Variants in DNAH11 observed in about 807,000 individuals in gnomAD.
DNAH11 encodes axonemal beta dynein heavy chain 11.
DNAH11 carries 442 observed loss-of-function variants against 526.0 expected under a neutral mutation model. The observed-to-expected ratio is 0.84, with a 90% CI of 0.78 to 0.91. The LOEUF is 0.91. Among genes scored for constraint, DNAH11 ranks in the 40% least tolerant of loss-of-function variants. The pLI is 0.00. For synonymous variants in DNAH11, 2,461 were observed against 1,935.9 expected (o/e 1.27, Z -7.12); for missense variants, 6,989 against 5,448.7 (o/e 1.28, Z -8.90).
intron 74 of DNAH11, among the ~76,000 whole-genome samples, chr7:21,880,388 C>T (rs569871143): frequency 5.3e-5 from 8 of 151,842 alleles, no homozygotes; most frequent in Middle Eastern, 3.4e-3. Flanking sequence ...CCAGATTCTG[C>T]GAAGAAAATT....
intron 57 of DNAH11, 142 bp downstream of exon 57, chr7:21,779,246 C>T: frequency 3.9e-6 from 4 of 1,034,160 alleles, no homozygotes; most frequent in Non-Finnish European, 5.3e-6. Flanking sequence ...AACAGCATTT[C>T]ACACCGTGAT....
chr7:21,786,582 C>A, intron 58 of DNAH11, 42 bp from the exon 59 acceptor site: 1 of 1,569,034 alleles, frequency 6.4e-7, no homozygotes, highest in Admixed American at 1.7e-5. Flanking sequence ...CAGACTTCCG[C>A]TAATCCTGTC....
At chr7:21,767,100 G>T (rs1465106047) in intron 55 of DNAH11, among the ~76,000 whole-genome samples, 2 of 152,128 alleles carry the variant, frequency 1.3e-5, no homozygotes, top group Non-Finnish European at 2.9e-5. Flanking sequence ...GTATGTGATT[G>T]CCAGGTCTGC....
At chr7:21,616,469 T>C (rs1346695371) in intron 22 of DNAH11, among the ~76,000 whole-genome samples, 177 bp downstream of exon 22, 1 of 152,148 alleles carries the variant, frequency 6.6e-6, no homozygotes, top group Non-Finnish European at 1.5e-5. Flanking sequence ...CAAGCCTGTC[T>C]TTCTGTGAGT....
At chr7:21,686,225 A>G (rs747946144) in intron 32 of DNAH11, among the ~76,000 whole-genome samples, 1 of 152,190 alleles carries the variant, frequency 6.6e-6, no homozygotes, top group Non-Finnish European at 1.5e-5. Context: ...AACCTCATTT[A>G]ATAGAGGAGA....
intron 28 of DNAH11, among the ~76,000 whole-genome samples, chr7:21,655,122 C>T (rs915729783): frequency 1.3e-5 from 2 of 150,080 alleles, no homozygotes; most frequent in Admixed American, 6.6e-5. Flanking sequence ...GTGCTATTTA[C>T]TGGTTTTGTA....
rs138890688 is a variant in DNAH11, at chr7:21,555,315, G to T, written c.496-3487G>T. On this transcript the variant is annotated intron_variant, in intron 2 of 81. Coordinates refer to ENST00000409508, the MANE Select transcript of DNAH11 (RefSeq NM_001277115.2). ...TGCCTTTCCTTGTCCCTGATTCAAG[G>T]GTTGTCACTCCAAACCTCATTCTTC... Among the ~76,000 whole-genome samples the T allele has an allele frequency of 1.9e-3, 286 of 152,298 alleles. 2 individuals carry two copies. Among genetic ancestry groups the T allele is most frequent in the Non-Finnish European group, 3.4e-3 (231 of 68,026 alleles).
intron 28 of DNAH11, among the ~76,000 whole-genome samples, chr7:21,652,374 G>A (rs1039482283): frequency 1.2e-4 from 18 of 152,140 alleles, no homozygotes; most frequent in South Asian, 4.1e-4. Flanking sequence ...GTTGATGGCC[G>A]GATATAAATT....
At chr7:21,830,102 C>G (rs1583747377) in intron 65 of DNAH11, among the ~76,000 whole-genome samples, 1 of 152,102 alleles carries the variant, frequency 6.6e-6, no homozygotes, top group Non-Finnish European at 1.5e-5. Context: ...TTATGCATAT[C>G]TGACGTTTGA....
In DNAH11 at chr7:21,606,510, A is replaced by G; in HGVS notation, c.3733A>G (p.Thr1245Ala). The change falls in exon 19 of 82, where the codon ACT becomes GCT. Residue 1245 changes from threonine to alanine, a missense_variant. Transcript: ENST00000409508. Reference sequence around the variant, plus strand: ...CTCACCTCTCCATAATGCGGAAGTCACTCTTATAAGGAAAAAATGTATTTT... The same window carrying G: ...CTCACCTCTCCATAATGCGGAAGTCGCTCTTATAAGGAAAAAATGTATTTT... ...EVSPLHNAEVTLIRKKCILFD... is the reference protein window; with the variant it reads ...EVSPLHNAEVALIRKKCILFD... 3.1e-6 allele frequency: 5 copies of G among 1,610,898 alleles called. No homozygotes were observed. In the South Asian group the frequency reaches 3.3e-5, roughly 11 times the overall value.
intron 51 of DNAH11, among the ~76,000 whole-genome samples, chr7:21,745,724 G>C (rs770739307): frequency 2.0e-5 from 3 of 152,198 alleles, no homozygotes; most frequent in Non-Finnish European, 4.4e-5. Flanking sequence ...GAATAAGCAA[G>C]AAAAATATCA....
intron 61 of DNAH11, among the ~76,000 whole-genome samples, chr7:21,799,169 A>G (rs1788850350): frequency 6.6e-6 from 1 of 152,200 alleles, no homozygotes; most frequent in Non-Finnish European, 1.5e-5. Context: ...GCTGAAGCAT[A>G]GAGAAGGTAA....
chr7:21,731,296 A>G (rs1785373310), intron 45 of DNAH11, among the ~76,000 whole-genome samples: 1 of 152,202 alleles, frequency 6.6e-6, no homozygotes, highest in Admixed American at 6.5e-5. Flanking sequence ...AATAAAGCAT[A>G]TTTTAGCTCT....
At chr7:21,726,584 A>G (rs7458776) in intron 45 of DNAH11, among the ~76,000 whole-genome samples, 92,087 of 151,598 alleles carry the variant, frequency 0.61, 28,060 homozygotes, top group South Asian at 0.71. Context: ...AGTGATGGCC[A>G]GGCGCGGTGG....
rs886038457 is a variant in DNAH11, at chr7:21,892,411, C to G, written c.12508-14C>G. 1 of 1,595,544 alleles carries G rather than the reference C, an allele frequency of 6.3e-7. No individual in the cohort carries two copies. The highest frequency in any genetic ancestry group is 1.7e-5 in the Admixed American group (1 of 58,474). Reference sequence around the variant, plus strand: ...CTACATTTGGAATAACTGACTTTTCCTTTGTGGTTCAAGACTGAAGATGAA... The same window carrying G: ...CTACATTTGGAATAACTGACTTTTCGTTTGTGGTTCAAGACTGAAGATGAA... On this transcript the variant is annotated splice_polypyrimidine_tract_variant and intron_variant, in intron 76 of 81. Transcript: ENST00000409508.
intron 30 of DNAH11, among the ~76,000 whole-genome samples, chr7:21,670,743 A>T (rs549495283): frequency 1.3e-5 from 2 of 152,276 alleles, no homozygotes; most frequent in South Asian, 4.1e-4. Flanking sequence ...ATCAGCATTG[A>T]GCTTTCTCCA....
At position 21,655,859 on chromosome 7, in the gene DNAH11, G is replaced by A. The variant is rs749120592; in HGVS notation, c.4972G>A (p.Asp1658Asn). The change falls in exon 29 of 82, where the codon GAC (aspartate) becomes AAC (asparagine). Residue 1658 changes from aspartate (D) to asparagine (N), a missense_variant. Physicochemically the swap from Asp to Asn is conservative, Grantham distance 23 (BLOSUM62 1). Coordinates refer to ENST00000409508, the MANE Select transcript of DNAH11 (RefSeq NM_001277115.2). ...QVTCHLAKLF[D>N]SIADLQFEDN... ...AACATGTCACCTTGCCAAACTTTTC[G>A]ACAGCATTGCAGATCTGCAGTTTGA... 2.2e-5 allele frequency: 36 copies of A among 1,612,824 alleles called. No individual in the cohort carries two copies. The highest frequency in any genetic ancestry group is 5.3e-5 in the African/African-American group (4 of 74,778).
chr7:21,800,911 GGA>G (rs143861959), intron 61 of DNAH11, among the ~76,000 whole-genome samples: 2,140 of 152,240 alleles, frequency 0.014, 39 homozygotes, highest in African/African-American at 0.049. Context: ...AGGCAGAAGG[GGA>G]GAGAAGACCA....
At position 21,629,659 on chromosome 7, in the gene DNAH11, T is replaced by A. The variant is rs7808372; in HGVS notation, c.4501-6212T>A. 8.2e-3 allele frequency among the ~76,000 whole-genome samples: 1,245 copies of A among 152,242 alleles called. 14 individuals are homozygous for A. The highest frequency in any genetic ancestry group is 0.028 in the African/African-American group (1,150 of 41,558). On this transcript the variant is annotated intron_variant, in intron 25 of 81. Transcript: ENST00000409508. ...ATTTTCTCTTGCCTAATTGGTTCCT[T>A]TATCATTATGTAGTTATCTTCTTTA...
Sources: allele counts gnomAD v4.1 joint callset (sites outside exome capture counted in the v4.1 genomes callset), GRCh38; gene constraint gnomAD v4.1.1; transcripts MANE v1.5; gene names NCBI Gene and HGNC (gene_info 2026-07-23, HGNC 2026-07-21).